The following SHANK2 variants were observed in gnomAD, a reference collection of about 807,000 sequenced individuals.
The protein encoded by SHANK2 is SH3 and multiple ankyrin repeat domains protein 2.
SHANK2 carries 43 observed loss-of-function variants against 133.7 expected under a neutral mutation model. The ratio of observed to expected loss-of-function variants is 0.32; its 90% CI spans 0.25 to 0.41. The LOEUF is 0.41. Among genes scored for constraint, SHANK2 ranks in the 10% least tolerant of loss-of-function variants. The pLI is 1.00. For missense variants in SHANK2, 1,994 were observed against 2,235.8 expected (o/e 0.89, Z 2.18); for synonymous variants, 1,017 against 952.8 (o/e 1.07, Z -1.24).
intron 9 of SHANK2, among the ~76,000 whole-genome samples, chr11:71,069,070 T>TCAC (rs1295835547): frequency 1.4e-5 from 2 of 147,834 alleles, no homozygotes; most frequent in Admixed American, 6.8e-5. Context: ...ACCATCACCA[T>TCAC]CACCACCACC....
intron 17 of SHANK2, among the ~76,000 whole-genome samples, chr11:70,598,469 T>A (rs532852607): frequency 6.6e-6 from 1 of 152,302 alleles, no homozygotes; most frequent in Non-Finnish European, 1.5e-5. Flanking sequence ...GAGGCCCAGA[T>A]GGCTTTCTGA....
chr11:70,666,273 G>C (rs1200289330), intron 15 of SHANK2, among the ~76,000 whole-genome samples: 2 of 152,086 alleles, frequency 1.3e-5, no homozygotes, highest in Non-Finnish European at 2.9e-5. Context: ...TCAATGTTTT[G>C]GGGAATTCAT....
chr11:70,476,944 G>A (rs577846842), intron 25 of SHANK2, among the ~76,000 whole-genome samples: 29 of 152,358 alleles, frequency 1.9e-4, no homozygotes, highest in African/African-American at 6.5e-4. Context: ...GGCCCAGAGG[G>A]TTGCCCCAGT....
chr11:70,749,603 A>C (rs535371783), intron 14 of SHANK2, among the ~76,000 whole-genome samples: 1 of 152,350 alleles, frequency 6.6e-6, no homozygotes, highest in East Asian at 1.9e-4. Context: ...CCTAGGAGGC[A>C]ATGAGTTTAA....
intron 10 of SHANK2, among the ~76,000 whole-genome samples, chr11:70,930,299 A>G (rs534466414): frequency 6.6e-6 from 1 of 152,272 alleles, no homozygotes; most frequent in East Asian, 1.9e-4. Flanking sequence ...CCCTCTGCCC[A>G]GAGAACCACA....
At chr11:70,871,692 C>T (rs529319816) in intron 11 of SHANK2, among the ~76,000 whole-genome samples, 4 of 152,256 alleles carry the variant, frequency 2.6e-5, no homozygotes, top group African/African-American at 7.2e-5. Flanking sequence ...AAAGGCAACA[C>T]GGGCCAGACA....
chr11:70,938,644 G>T (rs1456698532), intron 10 of SHANK2, among the ~76,000 whole-genome samples: 2 of 152,202 alleles, frequency 1.3e-5, no homozygotes, highest in African/African-American at 4.8e-5. Flanking sequence ...GCGGCTTCTA[G>T]TCGAGGAGAT....
chr11:71,120,818 G>C (rs1292529497), intron 3 of SHANK2, among the ~76,000 whole-genome samples: 4 of 152,164 alleles, frequency 2.6e-5, no homozygotes, highest in Non-Finnish European at 5.9e-5. Context: ...AATCCTTCTA[G>C]GCCCCTCCAA....
intron 2 of SHANK2, among the ~76,000 whole-genome samples, chr11:71,149,928 G>A (rs1555107553): frequency 3.6e-5 from 1 of 27,664 alleles, no homozygotes; most frequent in Non-Finnish European, 7.0e-5. Context: ...GGGAGGGAGG[G>A]AGAGGAGGGG....
chr11:70,782,594 C>T (rs72935473), intron 14 of SHANK2, among the ~76,000 whole-genome samples: 3,839 of 152,344 alleles, frequency 0.025, 103 homozygotes, highest in Middle Eastern at 0.11. Context: ...GCAAACCACG[C>T]TGTGGGAGCA....
intron 2 of SHANK2, among the ~76,000 whole-genome samples, chr11:71,166,127 C>T (rs1953143148): frequency 6.6e-6 from 1 of 152,218 alleles, no homozygotes; most frequent in Non-Finnish European, 1.5e-5. Context: ...ACAGGACAGA[C>T]TGGGGGTTCC....
chr11:71,147,429 C>A (rs1184673766), intron 2 of SHANK2, 91 bp from the exon 3 acceptor site: 1 of 1,037,868 alleles, frequency 9.6e-7, no homozygotes, highest in Non-Finnish European at 1.3e-6. Flanking sequence ...CTGGAACACA[C>A]GTGGGCTCGG....
chr11:70,710,282 T>C (rs1472275886), intron 14 of SHANK2, among the ~76,000 whole-genome samples: 1 of 152,144 alleles, frequency 6.6e-6, no homozygotes, highest in East Asian at 1.9e-4. Flanking sequence ...GCACGACAAG[T>C]GACCAGGCTC....
intron 14 of SHANK2, among the ~76,000 whole-genome samples, chr11:70,742,055 T>C (rs1946539081): frequency 6.6e-6 from 1 of 152,152 alleles, no homozygotes; most frequent in East Asian, 1.9e-4. Context: ...AATGGAGTAA[T>C]GAAAACCACT....
intron 10 of SHANK2, among the ~76,000 whole-genome samples, chr11:70,946,583 T>A (rs1334023220): frequency 1.4e-5 from 2 of 146,304 alleles, no homozygotes; most frequent in Admixed American, 6.8e-5. Context: ...TAACCAACAC[T>A]TCCCAGGATC....
At chr11:70,735,041 G>A (rs1311158392) in intron 14 of SHANK2, among the ~76,000 whole-genome samples, 3 of 152,312 alleles carry the variant, frequency 2.0e-5, no homozygotes, top group Admixed American at 6.5e-5. Flanking sequence ...CCGTGTCTGG[G>A]CTCAGGGGCG....
chr11:71,210,846 G>A (rs1555118787), intron 2 of SHANK2, among the ~76,000 whole-genome samples: 1 of 152,174 alleles, frequency 6.6e-6, no homozygotes, highest in African/African-American at 2.4e-5. Flanking sequence ...CAGGACTGAA[G>A]AGAAAAACAT....
chr11:70,710,976 A>C (rs1555025968), intron 14 of SHANK2, among the ~76,000 whole-genome samples: 1 of 151,874 alleles, frequency 6.6e-6, no homozygotes, highest in Admixed American at 6.6e-5. Context: ...CTGCAATCTC[A>C]CCCAAGACAG....
chr11:70,688,922 A>T (rs571251749), intron 15 of SHANK2, among the ~76,000 whole-genome samples: 1 of 152,282 alleles, frequency 6.6e-6, no homozygotes, highest in East Asian at 1.9e-4. Context: ...TTTGGATCCT[A>T]CTACTTGTCC....
Sources: gnomAD v4.1 joint callset for allele counts (sites outside exome capture counted in the v4.1 genomes callset) on GRCh38, gnomAD v4.1.1 for gene constraint, MANE v1.5 for transcripts, NCBI Gene and HGNC (gene_info 2026-07-23, HGNC 2026-07-21) for gene names.